Variants in PAK3 observed in about 807,000 individuals in gnomAD.
PAK3 encodes the protein p21 (RAC1) activated kinase 3.
In PAK3, 4 loss-of-function variants were observed where a neutral mutation model predicts 41.0. That is an observed-to-expected ratio of 0.10 (90% confidence interval 0.05 to 0.22). The LOEUF (loss-of-function observed/expected upper bound fraction) is 0.22, where lower values mean the gene tolerates loss of function less well. Among genes scored for constraint, PAK3 ranks in the 10% least tolerant of loss-of-function variants. The probability of loss-of-function intolerance (pLI) is 1.00; values close to 1 mark genes in which losing one functional copy is unlikely to be tolerated. For missense variants in PAK3, 205 were observed against 409.9 expected, an observed-to-expected ratio of 0.50 and a Z score of 4.32; for synonymous variants, 146 against 139.6, an observed-to-expected ratio of 1.05 and a Z score of -0.32.
At chrX:111,145,014 C>A (rs2093925084) in intron 6 of PAK3, 1 of 515,457 alleles carries the variant, frequency 1.9e-6, no homozygotes, top group Non-Finnish European at 3.3e-6. Flanking sequence ...CACTGGACAA[C>A]CCCCAGCTTA....
intron 16 of PAK3, among the ~76,000 whole-genome samples, chrX:111,212,514 G>A (rs943148424): frequency 2.7e-5 from 3 of 111,657 alleles, no homozygotes; most frequent in Non-Finnish European, 5.6e-5. Context: ...TATACATAGT[G>A]ATTAGGTTCC....
At chrX:111,218,833 G>T (rs2094903424) in intron 17 of PAK3, among the ~76,000 whole-genome samples, 3 of 110,755 alleles carry the variant, frequency 2.7e-5, no homozygotes, top group Admixed American at 1.9e-4. Flanking sequence ...GAGACAGGGA[G>T]ACCAAGGGGG....
chrX:111,118,096 G>A (rs927763302), intron 4 of PAK3, among the ~76,000 whole-genome samples: 4 of 112,094 alleles, frequency 3.6e-5, no homozygotes, highest in African/African-American at 1.3e-4. Context: ...GCTAGTTGCT[G>A]TAGAAATGCA....
intron 1 of PAK3, among the ~76,000 whole-genome samples, chrX:111,067,826 C>A (rs945491417): frequency 2.7e-5 from 3 of 109,789 alleles, no homozygotes; most frequent in Non-Finnish European, 5.7e-5. Context: ...CTATAATTTT[C>A]TTTTTCTTTC....
chrX:111,119,489 TTAAAGA>T (rs2093530028), intron 4 of PAK3, among the ~76,000 whole-genome samples: 1 of 112,076 alleles, frequency 8.9e-6, no homozygotes, highest in African/African-American at 3.2e-5. Context: ...CAGTTGAACT[TTAAAGA>T]TAAACAGTTT....
chrX:111,139,706 T>C (rs943010701), intron 5 of PAK3, among the ~76,000 whole-genome samples: 3 of 112,259 alleles, frequency 2.7e-5, no homozygotes, highest in African/African-American at 9.7e-5. Context: ...CAATTCTGCA[T>C]GTAACTCAGC....
Position 111,192,119 on chromosome X carries a change from C to T in PAK3, c.831-8C>T. On this transcript the variant is annotated splice_region_variant and splice_polypyrimidine_tract_variant and intron_variant, in intron 11 of 17. Transcript: ENST00000372007. ...TGCTTATTCTTTTGATAATTTTCAC[C>T]TTCACAGGGCATCAGGTACTGTTTA... 1 of 1,062,938 alleles carries T rather than the reference C, an allele frequency of 9.4e-7. No homozygotes were observed. Among genetic ancestry groups the T allele is most frequent in the East Asian group, 3.0e-5 (1 of 32,945 alleles). The allele number at this position is 1,062,938 out of a possible 1,213,427, so 87.6% of individuals were successfully genotyped here.
chrX:111,080,445 T>C (rs1390658374), intron 1 of PAK3, among the ~76,000 whole-genome samples: 2 of 112,484 alleles, frequency 1.8e-5, no homozygotes, highest in Non-Finnish European at 3.7e-5. Flanking sequence ...AATTAAGCTA[T>C]GTATATTGTT....
chrX:110,952,968 T>A (rs2090775741), intron 1 of PAK3, among the ~76,000 whole-genome samples: 2 of 112,273 alleles, frequency 1.8e-5, no homozygotes, highest in Non-Finnish European at 3.8e-5. Context: ...TGAAACATCA[T>A]AGCCACAGAT....
At chrX:111,175,700 A>G (rs1368031730) in intron 11 of PAK3, among the ~76,000 whole-genome samples, 1 of 111,630 alleles carries the variant, frequency 9.0e-6, no homozygotes. Context: ...GGTTTCAGAT[A>G]CCTCCCAGAT....
intron 16 of PAK3, among the ~76,000 whole-genome samples, chrX:111,214,405 G>A (rs1369745222): frequency 9.0e-6 from 1 of 111,635 alleles, no homozygotes; most frequent in East Asian, 2.8e-4. Flanking sequence ...TGAGAACTGA[G>A]CATGGGGATT....
chrX:111,022,872 T>A (rs1298044995), intron 1 of PAK3, among the ~76,000 whole-genome samples: 1 of 110,117 alleles, frequency 9.1e-6, no homozygotes. Flanking sequence ...ACACCAGAAG[T>A]GAGCAGGAGT....
chrX:110,996,554 T>G (rs1204995542), intron 1 of PAK3, among the ~76,000 whole-genome samples: 2 of 111,625 alleles, frequency 1.8e-5, no homozygotes, highest in African/African-American at 6.5e-5. Flanking sequence ...GCAGTTAGGG[T>G]TAGATGAGGT....
intron 1 of PAK3, among the ~76,000 whole-genome samples, chrX:111,049,447 A>G (rs748203478): frequency 1.4e-4 from 16 of 112,195 alleles, no homozygotes; most frequent in Non-Finnish European, 2.3e-4. Context: ...TAGACACACA[A>G]TAAATATATA....
At chrX:110,966,668 C>T (rs1386947956) in intron 1 of PAK3, among the ~76,000 whole-genome samples, 2 of 110,374 alleles carry the variant, frequency 1.8e-5, no homozygotes, top group Admixed American at 9.6e-5. Flanking sequence ...GTGAGAAAAG[C>T]AGGCTGCAAA....
At chrX:111,067,475 G>A (rs1305240202) in intron 1 of PAK3, among the ~76,000 whole-genome samples, 1 of 111,392 alleles carries the variant, frequency 9.0e-6, no homozygotes, top group East Asian at 2.8e-4. Flanking sequence ...TCCTAACTAA[G>A]GCAGTCTGAC....
intron 8 of PAK3, among the ~76,000 whole-genome samples, chrX:111,160,761 C>T (rs1456871209): frequency 8.9e-6 from 1 of 111,823 alleles, no homozygotes; most frequent in Non-Finnish European, 1.9e-5. Context: ...ATGATGGTTT[C>T]CAGCTTCATC....
intron 1 of PAK3, among the ~76,000 whole-genome samples, chrX:111,048,078 T>C (rs747470880): frequency 1.8e-5 from 2 of 111,632 alleles, no homozygotes; most frequent in African/African-American, 6.5e-5. Flanking sequence ...AGGTATATCA[T>C]TGTCAATATC....
At chrX:110,976,211 C>T (rs1405521699) in intron 1 of PAK3, among the ~76,000 whole-genome samples, 1 of 112,312 alleles carries the variant, frequency 8.9e-6, no homozygotes, top group Non-Finnish European at 1.9e-5. Flanking sequence ...ATCTACCCAT[C>T]TGACAAAGGG....
Sources: gnomAD v4.1 joint callset for allele counts (sites outside exome capture counted in the v4.1 genomes callset) on GRCh38, gnomAD v4.1.1 for gene constraint, MANE v1.5 for transcripts, NCBI Gene and HGNC (gene_info 2026-07-23, HGNC 2026-07-21) for gene names.